The following CFTR variants were observed in gnomAD, a reference collection of about 807,000 sequenced individuals.
CFTR encodes the protein cystic fibrosis transmembrane conductance regulator.
In CFTR, 181 loss-of-function variants were observed where a neutral mutation model predicts 171.6. The observed-to-expected ratio is 1.05, with a 90% CI of 0.93 to 1.19. The LOEUF is 1.19. CFTR is among the 50% of genes most tolerant of loss of function. The pLI is 0.00. For missense variants in CFTR, 1,968 were observed against 1,734.7 expected (o/e 1.13, Z -2.39); for synonymous variants, 583 against 608.0 (o/e 0.96, Z 0.60).
chr7:117,605,637 T>A lies in CFTR; in HGVS notation c.2909-1037T>A, dbSNP rs369928579. Reference sequence around the variant, plus strand: ...TTTCTTGCAGCAGGGGCATTTGAGTTGAGAAAGGGAGGAAACATAGATTTT... The same window carrying A: ...TTTCTTGCAGCAGGGGCATTTGAGTAGAGAAAGGGAGGAAACATAGATTTT... On this transcript the variant is annotated intron_variant, in intron 17 of 26. Transcript: ENST00000003084. Among the ~76,000 whole-genome samples the A allele has an allele frequency of 5.3e-5, 8 of 152,134 alleles. No individual in the cohort carries two copies. The East Asian group carries it at 1.6e-3, about 29-fold the overall frequency.
intron 10 of CFTR, 108 bp from the exon 11 acceptor site, chr7:117,559,356 A>T (rs1034420450): frequency 1.3e-6 from 1 of 790,884 alleles, no homozygotes; most frequent in African/African-American, 1.7e-5. Context: ...GAGTTAATAG[A>T]ATCTTTACAA....
In CFTR at chr7:117,550,481, TA is replaced by T. The variant is rs547685142; in HGVS notation, c.1392+1659del. On this transcript the variant is annotated intron_variant, in intron 10 of 26. Transcript: ENST00000003084. Reference sequence around the variant, plus strand: ...AAAAACATTTTCTTTCTTAAAATGTTATTATTTTTCTTTTATATCTTGTATA... The same window carrying T: ...AAAAACATTTTCTTTCTTAAAATGTTTTATTTTTCTTTTATATCTTGTATA... Among the ~76,000 whole-genome samples, 197 of 152,342 alleles carry T rather than the reference TA, an allele frequency of 1.3e-3. 1 individual carries two copies. The highest frequency in any genetic ancestry group is 4.7e-3 in the African/African-American group (195 of 41,586).
At chr7:117,595,202 TC>T in intron 15 of CFTR, 144 bp downstream of exon 15, 5 of 623,342 alleles carry the variant, frequency 8.0e-6, no homozygotes, top group South Asian at 1.9e-5. Context: ...CACACATATA[TC>T]ACTATATGTA....
chr7:117,587,641 T>C (rs1278681624), intron 11 of CFTR, 98 bp from the exon 12 acceptor site: 4 of 757,452 alleles, frequency 5.3e-6, no homozygotes, highest in Non-Finnish European at 9.6e-6. Flanking sequence ...GTTAAAGCAA[T>C]AGTGTGATAT....
At chr7:117,509,262 A>G (rs1226233563) in intron 3 of CFTR, 120 bp downstream of exon 3, 2 of 696,512 alleles carry the variant, frequency 2.9e-6, no homozygotes, top group African/African-American at 3.6e-5. Context: ...ATCCAACTCC[A>G]AACACTAAGA....
chr7:117,565,380 G>T (rs1237881289), intron 11 of CFTR, among the ~76,000 whole-genome samples: 4 of 152,112 alleles, frequency 2.6e-5, no homozygotes, highest in Non-Finnish European at 5.9e-5. Flanking sequence ...TGACAATACC[G>T]CAGTCTACCA....
At position 117,664,866 on chromosome 7, in the gene CFTR, T is replaced by G. The variant is rs969884170; in HGVS notation, c.4136+6T>G. Reference sequence around the variant, plus strand: ...AGTGCTCATTTGGATCCAGTGTGAGTTTCAGATGTTCTGTTACTTAATAGC... The same window carrying G: ...AGTGCTCATTTGGATCCAGTGTGAGGTTCAGATGTTCTGTTACTTAATAGC... On this transcript the variant is annotated splice_donor_region_variant and intron_variant, in intron 25 of 26. Transcript: ENST00000003084. 3 of 1,613,588 alleles carry G rather than the reference T, an allele frequency of 1.9e-6. No homozygotes were observed. The highest frequency in any genetic ancestry group is 1.7e-5 in the Admixed American group (1 of 59,972).
intron 18 of CFTR, among the ~76,000 whole-genome samples, chr7:117,607,173 G>A (rs34320215): frequency 1.3e-5 from 2 of 152,182 alleles, no homozygotes. Flanking sequence ...CCTCACCCAT[G>A]AACACTTTGG....
chr7:117,627,464 C>T (rs1792668123), intron 21 of CFTR, 58 bp from the exon 22 acceptor site: 1 of 1,580,868 alleles, frequency 6.3e-7, no homozygotes, highest in Non-Finnish European at 8.7e-7. Flanking sequence ...AAGCATCAAA[C>T]TAATTGTGAA....
chr7:117,575,818 C>G lies in CFTR; in HGVS notation c.1585-11921C>G, dbSNP rs986603018. ...TAATAAATCCATGCACATTTAATAC[C>G]ATTTTGCTATTTGCAACCTGCAGGT... On this transcript the variant is annotated intron_variant, in intron 11 of 26. Transcript: ENST00000003084. 1.3e-3 allele frequency among the ~76,000 whole-genome samples: 192 copies of G among 152,172 alleles called. 2 individuals are homozygous for G. The highest frequency in any genetic ancestry group is 4.5e-3 in the African/African-American group (185 of 41,548).
At chr7:117,585,551 C>T (rs1436897105) in intron 11 of CFTR, among the ~76,000 whole-genome samples, 1 of 152,110 alleles carries the variant, frequency 6.6e-6, no homozygotes, top group Non-Finnish European at 1.5e-5. Context: ...TTTCAAAAGC[C>T]TACAGTGAAT....
intron 1 of CFTR, among the ~76,000 whole-genome samples, chr7:117,490,378 A>G (rs1345189884): frequency 6.6e-6 from 1 of 151,232 alleles, no homozygotes; most frequent in Non-Finnish European, 1.5e-5. Context: ...GAATTGACTT[A>G]CATGATTATG....
intron 4 of CFTR, among the ~76,000 whole-genome samples, chr7:117,533,059 T>G (rs1798888353): frequency 6.6e-6 from 1 of 152,216 alleles, no homozygotes; most frequent in Non-Finnish European, 1.5e-5. Flanking sequence ...AAACTTGAGC[T>G]TTGCCTATAC....
chr7:117,554,501 A>C (rs1044852803), intron 10 of CFTR, among the ~76,000 whole-genome samples: 1 of 152,116 alleles, frequency 6.6e-6, no homozygotes, highest in African/African-American at 2.4e-5. Context: ...TTTGACATCC[A>C]AATAGAGATG....
At chr7:117,538,785 C>A (rs560540220) in intron 7 of CFTR, among the ~76,000 whole-genome samples, 3 of 152,242 alleles carry the variant, frequency 2.0e-5, no homozygotes, top group African/African-American at 7.2e-5. Context: ...GGATTCAAAG[C>A]CAGGTGGGAT....
chr7:117,535,498 T>C (rs1798938528), intron 6 of CFTR, 87 bp downstream of exon 6: 3 of 1,068,376 alleles, frequency 2.8e-6, no homozygotes, highest in South Asian at 2.6e-5. Flanking sequence ...GCTCTATGCA[T>C]AGAACAGTGA....
intron 10 of CFTR, among the ~76,000 whole-genome samples, chr7:117,557,156 C>A (rs374301830): frequency 1.3e-5 from 2 of 151,916 alleles, no homozygotes; most frequent in East Asian, 3.9e-4. Flanking sequence ...AAATCTGTAG[C>A]TTTGATTTAT....
At chr7:117,492,295 G>A (rs2116620160) in intron 1 of CFTR, among the ~76,000 whole-genome samples, 2 of 152,108 alleles carry the variant, frequency 1.3e-5, no homozygotes, top group Middle Eastern at 6.8e-3. Context: ...CCCTGAACAA[G>A]TATAGGCACC....
chr7:117,504,898 G>A (rs984043889), intron 2 of CFTR, among the ~76,000 whole-genome samples: 1 of 151,986 alleles, frequency 6.6e-6, no homozygotes, highest in Non-Finnish European at 1.5e-5. Flanking sequence ...TGGTTTCAGA[G>A]AATTTGTCTT....
Sources: gnomAD v4.1 joint callset for allele counts (sites outside exome capture counted in the v4.1 genomes callset) on GRCh38, gnomAD v4.1.1 for gene constraint, MANE v1.5 for transcripts, NCBI Gene and HGNC (gene_info 2026-07-23, HGNC 2026-07-21) for gene names.